The following ARMH1 variants were observed in gnomAD, a reference collection of about 807,000 sequenced individuals.
ARMH1 encodes the protein armadillo like helical domain containing 1.
In ARMH1, 34 loss-of-function variants were observed where a neutral mutation model predicts 50.2. That is an observed-to-expected ratio of 0.68 (90% confidence interval 0.51 to 0.90). The LOEUF is 0.90. Among genes scored for constraint, ARMH1 ranks in the 40% least tolerant of loss-of-function variants. The pLI, the probability that ARMH1 is intolerant of heterozygous loss-of-function variation, is 0.00. For synonymous variants in ARMH1, 221 were observed against 224.2 expected, an observed-to-expected ratio of 0.99 and a Z score of 0.13; for missense variants, 538 against 553.9, an observed-to-expected ratio of 0.97 and a Z score of 0.29.
At chr1:44,709,443 G>T (rs113556222) in intron 6 of ARMH1, among the ~76,000 whole-genome samples, 9,275 of 152,096 alleles carry the variant, frequency 0.061, 577 homozygotes, top group African/African-American at 0.16. Context: ...GAGGCCAAGG[G>T]GGGCGGATCA....
At chr1:44,694,860 A>C (rs1043434605) in intron 2 of ARMH1, among the ~76,000 whole-genome samples, 1 of 152,152 alleles carries the variant, frequency 6.6e-6, no homozygotes, top group Admixed American at 6.5e-5. Flanking sequence ...TATACTGTAC[A>C]AATATTATGT....
At chr1:44,693,629 T>G (rs141632242) in intron 2 of ARMH1, among the ~76,000 whole-genome samples, 1 of 152,212 alleles carries the variant, frequency 6.6e-6, no homozygotes, top group Admixed American at 6.5e-5. Context: ...TTTATTATGT[T>G]TTTGTAGAGA....
At chr1:44,676,458 A>C (rs912915999) in intron 1 of ARMH1, among the ~76,000 whole-genome samples, 1 of 152,240 alleles carries the variant, frequency 6.6e-6, no homozygotes, top group African/African-American at 2.4e-5. Flanking sequence ...GACCTAGGAC[A>C]GAGCCCTGAG....
chr1:44,675,215 C>T (rs1418804953), intron 1 of ARMH1, among the ~76,000 whole-genome samples: 2 of 152,098 alleles, frequency 1.3e-5, no homozygotes, highest in Non-Finnish European at 2.9e-5. Context: ...GGAGAGAAAC[C>T]ATGCATGAAG....
At chr1:44,721,865 G>GCGAAAGATTT (rs1647249257) in intron 6 of ARMH1, 2 of 152,146 alleles carry the variant, frequency 1.3e-5, no homozygotes, top group South Asian at 2.1e-4. Context: ...TTAGTAAAAG[G>GCGAAAGATTT]CGAAAGATTT....
chr1:44,706,801 G>A (rs1047554815), intron 6 of ARMH1, among the ~76,000 whole-genome samples: 2 of 152,116 alleles, frequency 1.3e-5, no homozygotes, highest in African/African-American at 4.8e-5. Flanking sequence ...AGGGACCTAA[G>A]TAATAGTCAG....
intron 2 of ARMH1, 70 bp downstream of exon 2, chr1:44,689,973 A>G (rs906536559): frequency 1.1e-5 from 16 of 1,398,394 alleles, no homozygotes; most frequent in Admixed American, 6.3e-5. Flanking sequence ...TAATCCCAGC[A>G]CTTTGGGAGG....
Position 44,724,196 on chromosome 1 carries a change from A to T in ARMH1, c.799A>T (p.Ile267Leu). ...GCTCAAGGGCCTCGTGGCGCTGCTG[A>T]TACCGTCGGTCAAGGAGATCTCCAA... ...ALLKGLVALL[I>L]PSVKEISKLQ... The change falls in exon 7 of 12, where the codon ATA becomes TTA. Residue 267 changes from isoleucine to leucine, a missense_variant. Transcript: ENST00000535358. This position sits in a 1 kb window ranked among gnomAD's most constrained non-coding sequence, Gnocchi z 6.4. 6.4e-7 allele frequency: 1 copy of T among 1,551,668 alleles called. No individual in the cohort carries two copies.
In ARMH1 at chr1:44,682,346, A is replaced by G. The variant is rs1573287978; in HGVS notation, c.-22-7330A>G. Among the ~76,000 whole-genome samples, 1 of 152,146 alleles carries G rather than the reference A, an allele frequency of 6.6e-6. No homozygotes were observed. The highest frequency in any genetic ancestry group is 2.4e-5 in the African/African-American group (1 of 41,416). On this transcript the variant is annotated intron_variant, in intron 1 of 11. Coordinates refer to ENST00000535358, the MANE Select transcript of ARMH1 (RefSeq NM_001145636.2). The surrounding 1 kb of genome is among the most constrained non-coding windows in gnomAD (Gnocchi z 4.5). ...CGGCACTGCGGCAAGGTAGAGAGGG[A>G]AAGACAGATGGCCTGACCTCAGAGG...
chr1:44,700,459 T>C (rs1006510992), intron 4 of ARMH1, among the ~76,000 whole-genome samples: 4 of 151,566 alleles, frequency 2.6e-5, no homozygotes, highest in African/African-American at 9.7e-5. Flanking sequence ...CTATTAAAAA[T>C]ACAAAAATTA....
rs1359267500 is a variant in ARMH1, at chr1:44,724,446, G to A, written c.920+54G>A. ...GCAGCAAGCCTGGCTTGGCGCTGCC[G>A]GCGGGCCCCGGGAGCGCTCCGTGCG... On this transcript the variant is annotated intron_variant, in intron 8 of 11. Coordinates refer to ENST00000535358, the MANE Select transcript of ARMH1 (RefSeq NM_001145636.2). This position sits in a 1 kb window ranked among gnomAD's most constrained non-coding sequence, Gnocchi z 6.4. 18 of 1,533,708 alleles carry A rather than the reference G, an allele frequency of 1.2e-5. No individual in the cohort carries two copies. Among genetic ancestry groups the A allele is most frequent in the Admixed American group, 6.0e-5 (3 of 50,270 alleles).
At chr1:44,705,299 C>T (rs992194729) in intron 6 of ARMH1, among the ~76,000 whole-genome samples, 32 of 151,972 alleles carry the variant, frequency 2.1e-4, no homozygotes, top group African/African-American at 6.0e-4. Flanking sequence ...GAGACCAGCC[C>T]GGCCAACACA....
At chr1:44,701,901 G>A (rs956696742) in intron 5 of ARMH1, among the ~76,000 whole-genome samples, 15 of 151,126 alleles carry the variant, frequency 9.9e-5, no homozygotes, top group African/African-American at 3.6e-4. Flanking sequence ...GTACTCCCTG[G>A]GCAAAAAAGT....
chr1:44,710,815 C>T (rs963885292), intron 6 of ARMH1, among the ~76,000 whole-genome samples: 1 of 152,238 alleles, frequency 6.6e-6, no homozygotes, highest in African/African-American at 2.4e-5. Context: ...TTCATCCCCC[C>T]AAAAGGAAAC....
intron 6 of ARMH1, among the ~76,000 whole-genome samples, chr1:44,709,454 C>G (rs543654194): frequency 3.3e-5 from 5 of 152,124 alleles, no homozygotes; most frequent in Non-Finnish European, 7.4e-5. Context: ...GGGCGGATCA[C>G]GAGGTCAGGA....
intron 2 of ARMH1, 41 bp downstream of exon 2, chr1:44,689,944 G>C (rs1464615335): frequency 1.5e-5 from 23 of 1,527,906 alleles, no homozygotes; most frequent in Non-Finnish European, 1.9e-5. Flanking sequence ...TAGGCACCGG[G>C]CACGGTGGCT....
intron 6 of ARMH1, among the ~76,000 whole-genome samples, chr1:44,723,483 C>A (rs1383063348): frequency 6.6e-6 from 1 of 152,204 alleles, no homozygotes; most frequent in Non-Finnish European, 1.5e-5. Flanking sequence ...TCCTTCCTAA[C>A]CAAATCCTCC....
chr1:44,723,784 A>C, intron 6 of ARMH1: 1 of 238,858 alleles, frequency 4.2e-6, no homozygotes, highest in Non-Finnish European at 8.1e-6. Flanking sequence ...GTCTTTCTCC[A>C]TCTTGTCTTC....
intron 6 of ARMH1, among the ~76,000 whole-genome samples, chr1:44,711,378 A>C (rs920073454): frequency 6.6e-6 from 1 of 152,198 alleles, no homozygotes; most frequent in Non-Finnish European, 1.5e-5. Context: ...GGATTCTTTA[A>C]TTATAGCCAT....
Sources: gnomAD v4.1 joint callset for allele counts (sites outside exome capture counted in the v4.1 genomes callset) on GRCh38, gnomAD v4.1.1 for gene constraint, Gnocchi (gnomAD v3.1) non-coding constraint, MANE v1.5 for transcripts, NCBI Gene and HGNC (gene_info 2026-07-23, HGNC 2026-07-21) for gene names.